Variants in MATCAP1 observed in about 807,000 individuals in gnomAD.
MATCAP1 encodes the protein microtubule associated tyrosine carboxypeptidase 1.
the MATCAP1 span, chr16:67,177,973 A>C: frequency 2.6e-6 from 4 of 1,557,326 alleles, no homozygotes; most frequent in Non-Finnish European, 3.5e-6. Context: ...CAAGGCAGGG[A>C]GCTGGCTGGG....
chr16:67,183,745 G>A, the MATCAP1 span: 2 of 160,056 alleles, frequency 1.2e-5, no homozygotes, highest in Middle Eastern at 3.1e-3. Flanking sequence ...TAAGGTGAAG[G>A]GCGTGCCCAA....
At chr16:67,179,929 C>T in the MATCAP1 span, 2 of 1,614,252 alleles carry the variant, frequency 1.2e-6, no homozygotes. The surrounding 1 kb of genome is among the most constrained non-coding windows in gnomAD (Gnocchi z 5.2). Flanking sequence ...TTCCAAACTT[C>T]TCCAGAACAG....
chr16:67,182,716 A>G, the MATCAP1 span, among the ~76,000 whole-genome samples: 1 of 152,230 alleles, frequency 6.6e-6, no homozygotes, highest in Non-Finnish European at 1.5e-5. Context: ...CTCCCCCTGT[A>G]TAATGGCATG....
chr16:67,176,849 G>C, the MATCAP1 span: 1 of 1,607,768 alleles, frequency 6.2e-7, no homozygotes, highest in Non-Finnish European at 8.5e-7. This position sits in a 1 kb window ranked among gnomAD's most constrained non-coding sequence, Gnocchi z 4.3. Context: ...GCCTCATCCA[G>C]CCGGTTGGTG....
the MATCAP1 span, chr16:67,178,306 G>C: frequency 6.3e-7 from 1 of 1,582,688 alleles, no homozygotes; most frequent in Non-Finnish European, 8.6e-7. Context: ...CTGACGGAAG[G>C]ACATGCGCGC....
At chr16:67,183,662 G>C in the MATCAP1 span, 1 of 153,710 alleles carries the variant, frequency 6.5e-6, no homozygotes, top group South Asian at 1.9e-4. Flanking sequence ...CCCCGGAGAG[G>C]ACAAGGTGAA....
the MATCAP1 span, chr16:67,180,157 G>A: frequency 3.1e-6 from 5 of 1,614,086 alleles, no homozygotes; most frequent in African/African-American, 4.0e-5. Flanking sequence ...AACTTGTCTC[G>A]CTCACGGTCC....
chr16:67,177,544 C>T, the MATCAP1 span, among the ~76,000 whole-genome samples: 13,741 of 152,240 alleles, frequency 0.09, 1,247 homozygotes, highest in African/African-American at 0.24. Context: ...TCCTCCGTGC[C>T]CCTGCACTCC....
At chr16:67,178,603 C>CAGATG in the MATCAP1 span, 1 of 1,039,784 alleles carries the variant, frequency 9.6e-7, no homozygotes, top group Non-Finnish European at 1.4e-6. Context: ...GGGCTCTGGC[C>CAGATG]GCGACACTTC....
chr16:67,182,144 G>A, the MATCAP1 span, among the ~76,000 whole-genome samples: 2 of 152,150 alleles, frequency 1.3e-5, no homozygotes, highest in East Asian at 3.9e-4. Context: ...AGCTACTCGG[G>A]AGGCTGAGGT....
At chr16:67,179,272 G>C in the MATCAP1 span, 1 of 1,478,002 alleles carries the variant, frequency 6.8e-7, no homozygotes, top group South Asian at 1.4e-5. This position sits in a 1 kb window ranked among gnomAD's most constrained non-coding sequence, Gnocchi z 5.2. Flanking sequence ...TCTGTAAGCA[G>C]AGGGCGGGAG....
chr16:67,181,522 G>A, the MATCAP1 span: 1 of 152,194 alleles, frequency 6.6e-6, no homozygotes, highest in African/African-American at 2.4e-5. Context: ...CTCTGTTCCA[G>A]GACTCAGTCC....
chr16:67,179,406 C>G, the MATCAP1 span: 1 of 1,587,114 alleles, frequency 6.3e-7, no homozygotes. This position sits in a 1 kb window ranked among gnomAD's most constrained non-coding sequence, Gnocchi z 5.2. Flanking sequence ...GCCTACCCAT[C>G]TGCCCGGATA....
the MATCAP1 span, chr16:67,176,112 T>A: frequency 1.1e-5 from 1 of 92,622 alleles, no homozygotes; most frequent in Non-Finnish European, 2.3e-5. The surrounding 1 kb of genome is among the most constrained non-coding windows in gnomAD (Gnocchi z 4.3). Context: ...TGTGTGTGTG[T>A]GTGTGTGTAA....
chr16:67,180,153 T>G, the MATCAP1 span: 2 of 1,614,100 alleles, frequency 1.2e-6, no homozygotes, highest in Admixed American at 1.7e-5. Flanking sequence ...GAAGAACTTG[T>G]CTCGCTCACG....
the MATCAP1 span, chr16:67,178,724 C>T: frequency 4.3e-6 from 3 of 700,044 alleles, no homozygotes; most frequent in Non-Finnish European, 7.8e-6. Flanking sequence ...GGCTCACATA[C>T]ATGAATCCTC....
the MATCAP1 span, chr16:67,178,111 G>A: frequency 1.2e-6 from 2 of 1,610,234 alleles, no homozygotes; most frequent in Non-Finnish European, 1.7e-6. Context: ...AAACAACCTG[G>A]GAGGGCAGGA....
the MATCAP1 span, among the ~76,000 whole-genome samples, chr16:67,177,659 C>T: frequency 3.3e-5 from 5 of 152,304 alleles, no homozygotes; most frequent in Middle Eastern, 0.01. Flanking sequence ...TCTCACTCCC[C>T]GTTGCTTCAG....
the MATCAP1 span, chr16:67,178,563 GC>G: frequency 7.1e-7 from 1 of 1,413,572 alleles, no homozygotes; most frequent in Non-Finnish European, 9.6e-7. Context: ...CCGCCTGCGA[GC>G]CCAGCCCTGG....
Sources: gnomAD v4.1 joint callset for allele counts (sites outside exome capture counted in the v4.1 genomes callset) on GRCh38, gnomAD v4.1.1 for gene constraint, Gnocchi (gnomAD v3.1) non-coding constraint, MANE v1.5 for transcripts, NCBI Gene and HGNC (gene_info 2026-07-23, HGNC 2026-07-21) for gene names.